The following DPY19L3 variants were observed in gnomAD, a reference collection of about 807,000 sequenced individuals.
DPY19L3 encodes the protein dpy-19 like C-mannosyltransferase 3.
DPY19L3 carries 51 observed loss-of-function variants against 92.3 expected under a neutral mutation model. The observed-to-expected ratio is 0.55, with a 90% confidence interval of 0.44 to 0.70. The LOEUF is 0.70. Among genes scored for constraint, DPY19L3 ranks in the 30% least tolerant of loss-of-function variants. The probability of loss-of-function intolerance (pLI) is 0.00; values close to 1 mark genes in which losing one functional copy is unlikely to be tolerated. For synonymous variants in DPY19L3, 309 were observed against 315.2 expected, an observed-to-expected ratio of 0.98 and a Z score of 0.21; for missense variants, 706 against 855.9, an observed-to-expected ratio of 0.82 and a Z score of 2.18.
chr19:32,444,772 C>T (rs1969432091), intron 8 of DPY19L3, among the ~76,000 whole-genome samples: 1 of 151,436 alleles, frequency 6.6e-6, no homozygotes, highest in Admixed American at 6.6e-5. Context: ...ATTTAAATGA[C>T]AGTGAATTCC....
chr19:32,433,492 G>A lies in DPY19L3; in HGVS notation c.328+686G>A, dbSNP rs146398825. Among the ~76,000 whole-genome samples, 25 of 152,220 alleles carry A rather than the reference G, an allele frequency of 1.6e-4. 1 individual carries two copies. Among genetic ancestry groups the A allele is most frequent in the African/African-American group, 5.1e-4 (21 of 41,542 alleles). On this transcript the variant is annotated intron_variant, in intron 4 of 18. Transcript: ENST00000392250. Reference sequence around the variant, plus strand: ...GAGTGCAGTGATATGATCATAGCTCGCTGTAGTCTCAATCTCCCAGCCTCA... The same window carrying A: ...GAGTGCAGTGATATGATCATAGCTCACTGTAGTCTCAATCTCCCAGCCTCA...
chr19:32,436,330 T>C, intron 4 of DPY19L3, 116 bp from the exon 5 acceptor site: 1 of 680,170 alleles, frequency 1.5e-6, no homozygotes, highest in Non-Finnish European at 2.1e-6. Flanking sequence ...CTTACTCTTA[T>C]ATCCCCAATG....
intron 3 of DPY19L3, among the ~76,000 whole-genome samples, chr19:32,421,473 C>G (rs1171707648): frequency 6.6e-6 from 1 of 152,082 alleles, no homozygotes; most frequent in East Asian, 1.9e-4. Flanking sequence ...AACCCTGTCT[C>G]TACTAAAAAT....
chr19:32,451,260 G>C (rs1568346177), intron 8 of DPY19L3, among the ~76,000 whole-genome samples: 1 of 152,182 alleles, frequency 6.6e-6, no homozygotes, highest in Non-Finnish European at 1.5e-5. Flanking sequence ...AGGATGTGAA[G>C]GATGTAAAAT....
intron 17 of DPY19L3, among the ~76,000 whole-genome samples, chr19:32,479,326 A>G (rs1416615848): frequency 6.6e-6 from 1 of 151,930 alleles, no homozygotes; most frequent in Non-Finnish European, 1.5e-5. Flanking sequence ...GGTGGCCTCT[A>G]CTGCTTGGAC....
At chr19:32,440,013 C>A (rs923361459) in intron 8 of DPY19L3, 103 bp downstream of exon 8, 2 of 1,464,148 alleles carry the variant, frequency 1.4e-6, no homozygotes, top group Non-Finnish European at 1.8e-6. Context: ...AAAATTGAAG[C>A]TGTTTCTTAG....
At chr19:32,438,114 A>G (rs1969204904) in intron 6 of DPY19L3, among the ~76,000 whole-genome samples, 1 of 152,198 alleles carries the variant, frequency 6.6e-6, no homozygotes, top group African/African-American at 2.4e-5. Flanking sequence ...GCCTTATGAA[A>G]TCACATTTTA....
At chr19:32,467,514 T>C in intron 15 of DPY19L3, 1 of 987,570 alleles carries the variant, frequency 1.0e-6, no homozygotes, top group African/African-American at 1.7e-5. Flanking sequence ...CACTAGCAAT[T>C]TTCCTGATTC....
intron 16 of DPY19L3, among the ~76,000 whole-genome samples, chr19:32,470,713 C>G (rs762988333): frequency 3.3e-5 from 5 of 151,486 alleles, no homozygotes; most frequent in Non-Finnish European, 5.9e-5. Flanking sequence ...GATGTTCACT[C>G]CTCAGACCCT....
At chr19:32,414,346 G>C (rs973205492) in intron 3 of DPY19L3, among the ~76,000 whole-genome samples, 12 of 151,914 alleles carry the variant, frequency 7.9e-5, no homozygotes, top group African/African-American at 2.7e-4. Context: ...GCGTGAACCT[G>C]GGAGGCGGAG....
chr19:32,455,013 GAC>G lies in DPY19L3; in HGVS notation c.1065_1066del (p.Leu356PhefsTer7). 6.4e-7 allele frequency: 1 copy of G among 1,567,218 alleles called. No homozygotes were observed. The highest frequency in any genetic ancestry group is 1.2e-5 in the South Asian group (1 of 82,200). Reference sequence around the variant, plus strand: ...TACATTTATTTATGGTTTTATGTTTGACACTTTTTCTCAACAACATAATTAAG... The same window carrying G: ...TACATTTATTTATGGTTTTATGTTTGACTTTTTCTCAACAACATAATTAAG... ...LLHLFMVLCL[T>X]LFLNNIIKKI... On this transcript the variant is annotated frameshift_variant, in exon 10 of 19. Transcript: ENST00000392250. LOFTEE classifies it high-confidence loss of function.
chr19:32,434,683 CTAAT>C (rs1049891647), intron 4 of DPY19L3, among the ~76,000 whole-genome samples: 4 of 152,128 alleles, frequency 2.6e-5, no homozygotes, highest in Non-Finnish European at 5.9e-5. Context: ...AAAAAATTAA[CTAAT>C]TAATTAAAAC....
At chr19:32,447,827 G>C (rs1323296410) in intron 8 of DPY19L3, among the ~76,000 whole-genome samples, 2 of 130,650 alleles carry the variant, frequency 1.5e-5, no homozygotes, top group Non-Finnish European at 3.0e-5. Flanking sequence ...TAGATAGATA[G>C]ATAGATAGAT....
At chr19:32,474,469 C>T (rs1970446500) in intron 16 of DPY19L3, among the ~76,000 whole-genome samples, 1 of 152,240 alleles carries the variant, frequency 6.6e-6, no homozygotes, top group South Asian at 2.1e-4. Context: ...TCAGTGACTG[C>T]TGTTTCATTT....
intron 16 of DPY19L3, among the ~76,000 whole-genome samples, chr19:32,470,994 A>G (rs151214085): frequency 9.5e-4 from 144 of 152,222 alleles, no homozygotes; most frequent in African/African-American, 3.2e-3. Context: ...GTAGACATCA[A>G]ATATGTTTGT....
intron 8 of DPY19L3, among the ~76,000 whole-genome samples, chr19:32,444,834 G>A (rs1301254811): frequency 1.3e-5 from 2 of 150,448 alleles, no homozygotes; most frequent in East Asian, 4.0e-4. Context: ...TGTAATCCCA[G>A]CACTTTTGGA....
At chr19:32,423,053 G>A (rs182396094) in intron 3 of DPY19L3, among the ~76,000 whole-genome samples, 2 of 152,200 alleles carry the variant, frequency 1.3e-5, no homozygotes, top group African/African-American at 4.8e-5. Flanking sequence ...AATACCTGAA[G>A]AAATTGGAAG....
chr19:32,459,900 A>G (rs1171185150), intron 12 of DPY19L3, among the ~76,000 whole-genome samples: 1 of 152,216 alleles, frequency 6.6e-6, no homozygotes, highest in East Asian at 1.9e-4. Flanking sequence ...TGAGAAATGC[A>G]TATTAGGCGA....
chr19:32,467,768 T>G (rs1970242032), intron 15 of DPY19L3: 2 of 982,872 alleles, frequency 2.0e-6, no homozygotes, highest in Non-Finnish European at 1.2e-6. Flanking sequence ...TATATAGATA[T>G]GATCAAGTCT....
Sources: gnomAD v4.1 joint callset for allele counts (sites outside exome capture counted in the v4.1 genomes callset) on GRCh38, gnomAD v4.1.1 for gene constraint, MANE v1.5 for transcripts, NCBI Gene and HGNC (gene_info 2026-07-23, HGNC 2026-07-21) for gene names.